Variants in CSGALNACT1 observed in about 807,000 individuals in gnomAD.
CSGALNACT1 encodes the protein beta4GalNAcT-1.
In CSGALNACT1, 52 loss-of-function variants were observed where a neutral mutation model predicts 51.0. The ratio of observed to expected loss-of-function variants is 1.02; its 90% CI spans 0.82 to 1.29. The LOEUF is 1.29. Ranked by LOEUF, CSGALNACT1 falls within the 50% of genes most tolerant of loss-of-function variation. The pLI is 0.00. For missense variants in CSGALNACT1, 935 were observed against 679.2 expected, an observed-to-expected ratio of 1.38 and a Z score of -4.19; for synonymous variants, 341 against 254.4, an observed-to-expected ratio of 1.34 and a Z score of -3.24.
intron 3 of CSGALNACT1, among the ~76,000 whole-genome samples, chr8:19,574,655 C>A (rs2043756646): frequency 1.3e-5 from 2 of 152,160 alleles, no homozygotes; most frequent in Non-Finnish European, 2.9e-5. Flanking sequence ...CAGCCCTGTA[C>A]ACCATGGAAC....
rs893189379 is a variant in CSGALNACT1 at position 19,406,135 on chromosome 8, C to G, written c.1310-66G>C. ...TCTGTTTTGCTTCCCTGAGTTGCAA[C>G]AAGCACAAACTTTTCATTAAGACAT... On this transcript the variant is annotated intron_variant, in intron 9 of 9. Coordinates refer to ENST00000454498, the Ensembl canonical transcript of CSGALNACT1. The G allele has an allele frequency of 5.1e-6, 8 of 1,579,680 alleles. No individual in the cohort carries two copies. The Admixed American group carries it at 8.3e-5, about 16-fold the overall frequency.
chr8:19,637,072 C>T (rs2056170372), intron 1 of CSGALNACT1, among the ~76,000 whole-genome samples: 2 of 151,918 alleles, frequency 1.3e-5, no homozygotes, highest in South Asian at 4.2e-4. Context: ...TGGTGGTCTC[C>T]ACCTGTAATC....
chr8:19,459,797 G>C (rs964141057), intron 4 of CSGALNACT1, among the ~76,000 whole-genome samples: 1 of 152,138 alleles, frequency 6.6e-6, no homozygotes, highest in Non-Finnish European at 1.5e-5. Context: ...ATAAACCCTC[G>C]ATAAATGTTA....
At chr8:19,591,899 C>T (rs2047901161) in intron 2 of CSGALNACT1, among the ~76,000 whole-genome samples, 2 of 152,118 alleles carry the variant, frequency 1.3e-5, no homozygotes, top group Middle Eastern at 3.4e-3. Flanking sequence ...TAAAAATCTG[C>T]CATCACCTTA....
At chr8:19,716,608 T>C (rs368111112) in intron 1 of CSGALNACT1, among the ~76,000 whole-genome samples, 130 of 31,500 alleles carry the variant, frequency 4.1e-3, no homozygotes, top group African/African-American at 0.012. Flanking sequence ...TAAAACCCTC[T>C]CTACAAAAAA....
intron 4 of CSGALNACT1, among the ~76,000 whole-genome samples, chr8:19,473,301 G>C (rs1164606849): frequency 1.3e-5 from 2 of 152,164 alleles, no homozygotes; most frequent in Admixed American, 1.3e-4. Flanking sequence ...AATATCAACT[G>C]AAAATTTCAA....
intron 1 of CSGALNACT1, among the ~76,000 whole-genome samples, chr8:19,666,506 C>T (rs2059183285): frequency 6.6e-6 from 1 of 151,756 alleles, no homozygotes; most frequent in Admixed American, 6.6e-5. Context: ...CCAGCCTGGC[C>T]ATCATGATGA....
rs1319884772 is a variant in CSGALNACT1, at chr8:19,599,472, A to AAAAGAAAGAAAAAGAAAGAAAGAAAG, written c.-416+2298_-416+2299insCTTTCTTTCTTTCTTTTTCTTTCTTT. ...GAAAAAGAAAAGAAAGAAAGAAAGA[A>AAAAGAAAGAAAAAGAAAGAAAGAAAG]AAAGAAAGAAAGAAAGAAAGAAAGA... On this transcript the variant is annotated intron_variant, in intron 2 of 9. Coordinates refer to ENST00000454498, the Ensembl canonical transcript of CSGALNACT1. Among the ~76,000 whole-genome samples the AAAAGAAAGAAAAAGAAAGAAAGAAAG allele has an allele frequency of 2.4e-3, 270 of 113,786 alleles. 1 individual carries two copies. Among genetic ancestry groups the AAAAGAAAGAAAAAGAAAGAAAGAAAG allele is most frequent in the African/African-American group, 5.7e-3 (161 of 28,080 alleles). 74.6% of individuals were successfully genotyped at this position (113,786 alleles called of 152,430 possible). A position where few individuals can be genotyped will look rare whatever the true frequency, so the allele number is the denominator to read the frequency against.
At chr8:19,522,863 A>G (rs2080999794) in intron 3 of CSGALNACT1, among the ~76,000 whole-genome samples, 2 of 152,238 alleles carry the variant, frequency 1.3e-5, no homozygotes, top group African/African-American at 2.4e-5. Flanking sequence ...TTTAAACAAT[A>G]AAAGATTCTT....
intron 6 of CSGALNACT1, among the ~76,000 whole-genome samples, chr8:19,425,739 C>A (rs983074955): frequency 1.3e-5 from 2 of 152,102 alleles, no homozygotes; most frequent in Admixed American, 1.3e-4. Flanking sequence ...ATAGACTGAG[C>A]CTTCCCTCAG....
At chr8:19,748,712 C>G (rs1016515908) in intron 1 of CSGALNACT1, among the ~76,000 whole-genome samples, 2 of 152,092 alleles carry the variant, frequency 1.3e-5, no homozygotes, top group Admixed American at 1.3e-4. Context: ...CATCTGTAAA[C>G]CCAGCACTTT....
rs567454070 is a variant in CSGALNACT1 at position 19,536,053 on chromosome 8, G to C, written c.-296-29923C>G. 2.0e-5 allele frequency among the ~76,000 whole-genome samples: 3 copies of C among 152,116 alleles called. 1 individual carries two copies. Among genetic ancestry groups the C allele is most frequent in the Non-Finnish European group, 2.9e-5 (2 of 67,988 alleles). On this transcript the variant is annotated intron_variant, in intron 3 of 9. Coordinates refer to ENST00000454498, the Ensembl canonical transcript of CSGALNACT1. ...AACTGTCCATTTTTGCAGAAGACATGATCTATATAGGCAATGCCAAGTAAT... is the reference window on the plus strand; with the variant it reads ...AACTGTCCATTTTTGCAGAAGACATCATCTATATAGGCAATGCCAAGTAAT...
intron 4 of CSGALNACT1, among the ~76,000 whole-genome samples, chr8:19,500,923 G>A (rs4599829): frequency 0.44 from 66,565 of 151,950 alleles, 15,854 homozygotes; most frequent in East Asian, 0.84. Flanking sequence ...TCCTCCAGAG[G>A]AGAGGAATGC....
chr8:19,598,363 T>A (rs1015961355), intron 2 of CSGALNACT1, among the ~76,000 whole-genome samples: 4 of 152,074 alleles, frequency 2.6e-5, no homozygotes, highest in African/African-American at 9.7e-5. Flanking sequence ...CAGTGAAAGG[T>A]GACACTGATT....
intron 3 of CSGALNACT1, among the ~76,000 whole-genome samples, chr8:19,518,998 A>AG (rs1211235432): frequency 6.6e-6 from 1 of 152,206 alleles, no homozygotes; most frequent in Non-Finnish European, 1.5e-5. Flanking sequence ...AGCAGGTAGA[A>AG]GGGGGGAACT....
chr8:19,555,418 A>G (rs969992679), intron 3 of CSGALNACT1, among the ~76,000 whole-genome samples: 25 of 152,180 alleles, frequency 1.6e-4, no homozygotes, highest in African/African-American at 5.1e-4. Flanking sequence ...ATGACAAACT[A>G]TCAGATGCAG....
chr8:19,656,458 G>C (rs2058279547), intron 1 of CSGALNACT1, among the ~76,000 whole-genome samples: 2 of 151,862 alleles, frequency 1.3e-5, no homozygotes, highest in Non-Finnish European at 2.9e-5. Flanking sequence ...ACTTTCTATA[G>C]AGGAACCCAC....
intron 1 of CSGALNACT1, among the ~76,000 whole-genome samples, chr8:19,637,243 C>T (rs747860260): frequency 1.2e-4 from 18 of 152,090 alleles, no homozygotes; most frequent in Non-Finnish European, 2.1e-4. Context: ...AAGGAAATTG[C>T]TCTGCTTCAA....
At chr8:19,575,540 C>A (rs541422033) in intron 3 of CSGALNACT1, among the ~76,000 whole-genome samples, 3 of 152,182 alleles carry the variant, frequency 2.0e-5, no homozygotes, top group Admixed American at 6.5e-5. Context: ...TAATCCTGCT[C>A]CTCCATCAAA....
Sources: allele counts gnomAD v4.1 joint callset (sites outside exome capture counted in the v4.1 genomes callset), GRCh38; gene constraint gnomAD v4.1.1; transcripts MANE v1.5; gene names NCBI Gene and HGNC (gene_info 2026-07-23, HGNC 2026-07-21).